The following CACNG8 variants were observed in gnomAD, a reference collection of about 807,000 sequenced individuals.
CACNG8 encodes voltage-dependent calcium channel gamma-8 subunit.
In CACNG8, 5 loss-of-function variants were observed where a neutral mutation model predicts 26.9. That is an observed-to-expected ratio of 0.19 (90% CI 0.10 to 0.39). The LOEUF is 0.39. CACNG8 is among the 10% of genes least tolerant of loss of function. CACNG8 has a pLI of 1.00. For synonymous variants in CACNG8, 321 were observed against 296.7 expected (o/e 1.08, Z -0.84); for missense variants, 473 against 609.4 (o/e 0.78, Z 2.36).
intron 1 of CACNG8, among the ~76,000 whole-genome samples, chr19:53,965,614 G>T (rs1211718056): frequency 6.6e-6 from 1 of 151,980 alleles, no homozygotes; most frequent in Non-Finnish European, 1.5e-5. Flanking sequence ...TATATTATGT[G>T]CCAGGCATTG....
intron 1 of CACNG8, among the ~76,000 whole-genome samples, chr19:53,967,923 C>A (rs908691039): frequency 2.0e-5 from 3 of 152,012 alleles, no homozygotes; most frequent in African/African-American, 7.2e-5. Flanking sequence ...ATTAAAAACA[C>A]ATAAAACCCA....
rs57220250 is a variant in CACNG8 at position 53,988,271 on chromosome 19, AGTGTGTGTGTGTGTGTGTGTGT to A, written c.*5435_*5456del. 1 of 144,250 alleles carries A rather than the reference AGTGTGTGTGTGTGTGTGTGTGT, an allele frequency of 6.9e-6. No homozygotes were observed. The highest frequency in any genetic ancestry group is 1.5e-5 in the Non-Finnish European group (1 of 66,450). The allele number at this position is 144,250 out of a possible 1,614,324, so 8.9% of individuals were successfully genotyped here. A position where few individuals can be genotyped will look rare whatever the true frequency, so the allele number is the denominator to read the frequency against. ...GACAGAAGGAAAGGGAATTCAGGCA[AGTGTGTGTGTGTGTGTGTGTGT>A]GTGTGTGTGTGTAACTGACACAAAG... On this transcript the variant is annotated 3_prime_UTR_variant, in exon 4 of 4. Coordinates refer to ENST00000270458, the MANE Select transcript of CACNG8 (RefSeq NM_031895.6).
At position 53,988,615 on chromosome 19, in the gene CACNG8, T is replaced by TAA. The variant is rs5828564; in HGVS notation, c.*5780_*5781dup. 45,407 of 133,950 alleles carry TAA rather than the reference T, an allele frequency of 0.34. 7,692 individuals carry two copies. The highest frequency in any genetic ancestry group is 0.48 in the Middle Eastern group (129 of 266). 8.3% of individuals were successfully genotyped at this position (133,950 alleles called of 1,614,324 possible). A position where few individuals can be genotyped will look rare whatever the true frequency, so the allele number is the denominator to read the frequency against. ...ACTCTGTCTCAAAAAAGAAAAAAGG[T>TAA]AAAAAAAAAAAAAAATGACCCTGAA... On this transcript the variant is annotated 3_prime_UTR_variant, in exon 4 of 4. Transcript: ENST00000270458.
chr19:53,982,644 A>G lies in CACNG8; in HGVS notation c.1073A>G (p.Asp358Gly). 2.9e-6 allele frequency: 3 copies of G among 1,026,578 alleles called. No individual in the cohort carries two copies. The highest frequency in any genetic ancestry group is 3.5e-6 in the Non-Finnish European group (3 of 857,708). The allele number at this position is 1,026,578 out of a possible 1,614,324, so 63.6% of individuals were successfully genotyped here. The change falls in exon 4 of 4, where the codon GAC becomes GGC. Residue 358 changes from aspartate to glycine, a missense_variant. Asp to Gly is a moderately conservative substitution (Grantham distance 94). Transcript: ENST00000270458. The surrounding 1 kb of genome is among the most constrained non-coding windows in gnomAD (Gnocchi z 8.4). Reference sequence around the variant, plus strand: ...GGCGGCGGGGCGGGTGCCGAGCGGGACCGCGGGGGGGCGTCCGGCTTCCTC... The same window carrying G: ...GGCGGCGGGGCGGGTGCCGAGCGGGGCCGCGGGGGGGCGTCCGGCTTCCTC...
rs866428079 is a variant in CACNG8 at position 53,982,633 on chromosome 19, T to G, written c.1062T>G (p.Gly354=). 2.0e-6 allele frequency: 2 copies of G among 1,007,440 alleles called. No individual in the cohort carries two copies. Among genetic ancestry groups the G allele is most frequent in the Non-Finnish European group, 2.4e-6 (2 of 845,716 alleles). 62.4% of individuals were successfully genotyped at this position (1,007,440 alleles called of 1,614,324 possible). ...GCGGCGGAGGCGGCGGCGGGGCGGG[T>G]GCCGAGCGGGACCGCGGGGGGGCGT... Residue 354 remains glycine (G), a synonymous_variant, in exon 4 of 4, where the codon GGT becomes GGG. Coordinates refer to ENST00000270458, the MANE Select transcript of CACNG8 (RefSeq NM_031895.6). The surrounding 1 kb of genome is among the most constrained non-coding windows in gnomAD (Gnocchi z 8.4).
chr19:53,984,110 AG>A lies in CACNG8; in HGVS notation c.*1262del, dbSNP rs1326047479. ...TGTGGGAGGAAGCACGTAATTACAC[AG>A]ATGCTGAAGCATAGTCATGGTGTCT... is the stretch of plus-strand genomic sequence containing the variant. On this transcript the variant is annotated 3_prime_UTR_variant, in exon 4 of 4. Coordinates refer to ENST00000270458, the MANE Select transcript of CACNG8 (RefSeq NM_031895.6). The A allele has an allele frequency of 2.6e-5, 4 of 152,290 alleles. No individual in the cohort carries two copies. The highest frequency in any genetic ancestry group is 9.6e-5 in the African/African-American group (4 of 41,454). 9.4% of individuals were successfully genotyped at this position (152,290 alleles called of 1,614,324 possible). A position where few individuals can be genotyped will look rare whatever the true frequency, so the allele number is the denominator to read the frequency against.
In CACNG8 at chr19:53,983,967, G is replaced by A. The variant is rs1042187750; in HGVS notation, c.*1118G>A. On this transcript the variant is annotated 3_prime_UTR_variant, in exon 4 of 4. Coordinates refer to ENST00000270458, the MANE Select transcript of CACNG8 (RefSeq NM_031895.6). Reference sequence around the variant, plus strand: ...AGGGCCGTGGAACGGGTTTAAGCAGGACGCTAACGTGAATGGTGTACAAAG... The same window carrying A: ...AGGGCCGTGGAACGGGTTTAAGCAGAACGCTAACGTGAATGGTGTACAAAG... 6.6e-6 allele frequency: 1 copy of A among 152,390 alleles called. No homozygotes were observed. Among genetic ancestry groups the A allele is most frequent in the Admixed American group, 6.5e-5 (1 of 15,282 alleles). 9.4% of individuals were successfully genotyped at this position (152,390 alleles called of 1,614,324 possible). A position where few individuals can be genotyped will look rare whatever the true frequency, so the allele number is the denominator to read the frequency against.
At chr19:53,981,885 G>C (rs2069370788) in intron 3 of CACNG8, among the ~76,000 whole-genome samples, 195 bp from the exon 4 acceptor site, 1 of 152,084 alleles carries the variant, frequency 6.6e-6, no homozygotes. Context: ...AGCATCGGGC[G>C]GGGAGTTGTG....
intron 1 of CACNG8, among the ~76,000 whole-genome samples, chr19:53,970,479 G>T (rs1350555972): frequency 6.7e-6 from 1 of 150,104 alleles, no homozygotes; most frequent in Non-Finnish European, 1.5e-5. Context: ...ACAAAAATTA[G>T]TCGGGCGTAG....
Position 53,983,447 on chromosome 19 carries a change from A to G in CACNG8, c.*598A>G, listed in dbSNP as rs996632041. On this transcript the variant is annotated 3_prime_UTR_variant, in exon 4 of 4. Coordinates refer to ENST00000270458, the MANE Select transcript of CACNG8 (RefSeq NM_031895.6). ...GGAGCAGGGGACACGAACGAGGCAC[A>G]GAAAGGGCCTTCTCATTCATTCATT... 6.6e-5 allele frequency: 10 copies of G among 152,246 alleles called. No homozygotes were observed. Among genetic ancestry groups the G allele is most frequent in the African/African-American group, 2.4e-4 (10 of 41,460 alleles). 9.4% of individuals were successfully genotyped at this position (152,246 alleles called of 1,614,324 possible).
rs2069421878 is a variant in CACNG8, at chr19:53,988,632, G to C, written c.*5783G>C. 1 of 135,582 alleles carries C rather than the reference G, an allele frequency of 7.4e-6. No homozygotes were observed. Among genetic ancestry groups the C allele is most frequent in the South Asian group, 2.4e-4 (1 of 4,144 alleles). 8.4% of individuals were successfully genotyped at this position (135,582 alleles called of 1,614,324 possible). On this transcript the variant is annotated 3_prime_UTR_variant, in exon 4 of 4. Coordinates refer to ENST00000270458, the MANE Select transcript of CACNG8 (RefSeq NM_031895.6). ...AAAAAAGGTAAAAAAAAAAAAAAAT[G>C]ACCCTGAAAGGAAGTAGGGAGACAT...
rs35658524 is a variant in CACNG8, at chr19:53,985,835, CA to C, written c.*3002del. ...TGGGCGAAAGAGCGAGACTCTGTCT[CA>C]AAAAAAAAAAAAAAATTGAGAGACA... On this transcript the variant is annotated 3_prime_UTR_variant, in exon 4 of 4. Coordinates refer to ENST00000270458, the MANE Select transcript of CACNG8 (RefSeq NM_031895.6). 0.5 allele frequency: 64,367 copies of C among 129,570 alleles called. 14,496 individuals are homozygous for C. The highest frequency in any genetic ancestry group is 0.67 in the East Asian group (3,009 of 4,516). 8.0% of individuals were successfully genotyped at this position (129,570 alleles called of 1,614,324 possible).
chr19:53,975,942 G>C (rs986446415), intron 1 of CACNG8, among the ~76,000 whole-genome samples: 6 of 152,286 alleles, frequency 3.9e-5, no homozygotes, highest in Admixed American at 1.3e-4. Flanking sequence ...TCTCCACCTA[G>C]ACCCAATCCC....
At position 53,985,193 on chromosome 19, in the gene CACNG8, G is replaced by A. The variant is rs1049290528; in HGVS notation, c.*2344G>A. ...CTTGTGCTGGGCGGTGCTGGGAGTGGAGAGGTGATTTTGATCTTGCCCTGC... is the reference window on the plus strand; with the variant it reads ...CTTGTGCTGGGCGGTGCTGGGAGTGAAGAGGTGATTTTGATCTTGCCCTGC... On this transcript the variant is annotated 3_prime_UTR_variant, in exon 4 of 4. Transcript: ENST00000270458. The A allele has an allele frequency of 6.6e-6, 1 of 152,312 alleles. No homozygotes were observed. Among genetic ancestry groups the A allele is most frequent in the African/African-American group, 2.4e-5 (1 of 41,448 alleles). The allele number at this position is 152,312 out of a possible 1,614,324, so 9.4% of individuals were successfully genotyped here.
rs1361562971 is a variant in CACNG8 at position 53,986,156 on chromosome 19, C to G, written c.*3307C>G. The stretch of plus-strand genomic sequence containing the variant: ...AAGTCCCAGAGATAGCAGAAACACA[C>G]ACAGAGACAGAGATAGAGAGGGAGA... On this transcript the variant is annotated 3_prime_UTR_variant, in exon 4 of 4. Coordinates refer to ENST00000270458, the MANE Select transcript of CACNG8 (RefSeq NM_031895.6). 1.3e-5 allele frequency: 2 copies of G among 152,476 alleles called. No individual in the cohort carries two copies. The highest frequency in any genetic ancestry group is 2.9e-5 in the Non-Finnish European group (2 of 68,116). The allele number at this position is 152,476 out of a possible 1,614,324, so 9.4% of individuals were successfully genotyped here.
At chr19:53,976,284 G>T (rs2069330055) in intron 1 of CACNG8, among the ~76,000 whole-genome samples, 1 of 152,260 alleles carries the variant, frequency 6.6e-6, no homozygotes, top group East Asian at 1.9e-4. Flanking sequence ...AGCCCAGGAG[G>T]TGGAGGTTGC....
At chr19:53,978,047 G>T (rs191350412) in intron 1 of CACNG8, 99 bp from the exon 2 acceptor site, 2 of 778,484 alleles carry the variant, frequency 2.6e-6, no homozygotes, top group South Asian at 3.2e-5. Flanking sequence ...CCCAGAGAGA[G>T]AAGGGGTTTG....
At chr19:53,967,872 C>G (rs2069280346) in intron 1 of CACNG8, among the ~76,000 whole-genome samples, 1 of 152,066 alleles carries the variant, frequency 6.6e-6, no homozygotes, top group African/African-American at 2.4e-5. Context: ...GTCATTTTCA[C>G]ATGCCACAAA....
At chr19:53,978,426 C>T (rs35522708) in intron 2 of CACNG8, among the ~76,000 whole-genome samples, 197 bp downstream of exon 2, 50,187 of 151,986 alleles carry the variant, frequency 0.33, 9,329 homozygotes, top group East Asian at 0.55. Context: ...TTCCCGCCCC[C>T]TCCTCTCACC....
Sources: gnomAD v4.1 joint callset for allele counts (sites outside exome capture counted in the v4.1 genomes callset) on GRCh38, gnomAD v4.1.1 for gene constraint, Gnocchi (gnomAD v3.1) non-coding constraint, MANE v1.5 for transcripts, NCBI Gene and HGNC (gene_info 2026-07-23, HGNC 2026-07-21) for gene names.